SYCP2: variants seen among roughly 807,000 people sequenced by gnomAD.
SYCP2 encodes synaptonemal complex lateral element protein.
In SYCP2, 55 loss-of-function variants were observed where a neutral mutation model predicts 211.3. The observed-to-expected ratio is 0.26, with a 90% confidence interval of 0.21 to 0.33. The LOEUF (loss-of-function observed/expected upper bound fraction) is 0.33, where lower values mean the gene tolerates loss of function less well. Ranked by LOEUF, SYCP2 falls within the 10% of genes least tolerant of loss-of-function variation. The pLI is 1.00. For synonymous variants in SYCP2, 570 were observed against 555.2 expected, an observed-to-expected ratio of 1.03 and a Z score of -0.37; for missense variants, 1,731 against 1,752.0, an observed-to-expected ratio of 0.99 and a Z score of 0.21.
chr20:59,919,416 A>G lies in SYCP2; in HGVS notation c.402+77T>C, dbSNP rs368697080. The G allele has an allele frequency of 1.1e-4, 127 of 1,105,102 alleles. No individual in the cohort carries two copies. The African/African-American group carries it at 1.6e-3, about 14-fold the overall frequency. 68.5% of individuals were successfully genotyped at this position (1,105,102 alleles called of 1,614,324 possible). ...CAATCTGTTAGTGACTTTTAGGCTC[A>G]GGGCACAGAGAACACAAATTGTTTT... is the stretch of plus-strand genomic sequence containing the variant. On this transcript the variant is annotated intron_variant, in intron 6 of 44. Transcript: ENST00000357552.
intron 22 of SYCP2, 26 bp from the exon 23 acceptor site, chr20:59,892,727 T>A (rs1390646945): frequency 2.5e-6 from 4 of 1,593,248 alleles, no homozygotes; most frequent in African/African-American, 1.4e-5. Context: ...ATTTGCTTAA[T>A]GTTACAAAAC....
At chr20:59,928,128 C>T (rs994917409) in intron 2 of SYCP2, among the ~76,000 whole-genome samples, 4 of 152,244 alleles carry the variant, frequency 2.6e-5, no homozygotes, top group East Asian at 3.9e-4. Flanking sequence ...ATGAAGGTTA[C>T]GTTTCTTTTC....
Position 59,864,095 on chromosome 20 carries a change from A to C in SYCP2, c.*216T>G, listed in dbSNP as rs551805092. ...GCTTTTATCTCCAAAATTAAAAAAAAATATTGTATAGACAGAAGTCTTCTG... is the reference window on the plus strand; with the variant it reads ...GCTTTTATCTCCAAAATTAAAAAAACATATTGTATAGACAGAAGTCTTCTG... On this transcript the variant is annotated 3_prime_UTR_variant, in exon 45 of 45. Coordinates refer to ENST00000357552, the MANE Select transcript of SYCP2 (RefSeq NM_014258.4). The C allele has an allele frequency of 1.0e-4, 34 of 329,150 alleles. No homozygotes were observed. Among genetic ancestry groups the C allele is most frequent in the Non-Finnish European group, 2.2e-5 (4 of 177,948 alleles). The allele number at this position is 329,150 out of a possible 1,614,324, so 20.4% of individuals were successfully genotyped here.
In SYCP2 at chr20:59,916,555, C is replaced by T; in HGVS notation, c.444G>A (p.Val148=). The change falls in exon 8 of 45, where the codon GTG becomes GTA. Residue 148 remains valine, a synonymous_variant. Coordinates refer to ENST00000357552, the MANE Select transcript of SYCP2 (RefSeq NM_014258.4). ...AACAAATGCGAGGTACGAAACTTTC[C>T]ACTACTTGTTTTTTACCTGAATAAA... ...DVSDEGKKQV[V]ESFVPRICSL... The T allele has an allele frequency of 6.2e-7, 1 of 1,605,996 alleles. No individual in the cohort carries two copies. The highest frequency in any genetic ancestry group is 8.5e-7 in the Non-Finnish European group (1 of 1,172,820).
rs866200361 is a variant in SYCP2, at chr20:59,886,790, G to T, written c.2409C>A (p.Ser803=). 3 of 1,591,102 alleles carry T rather than the reference G, an allele frequency of 1.9e-6. No homozygotes were observed. The South Asian group carries it at 3.5e-5, about 18-fold the overall frequency. Residue 803 remains serine, a synonymous_variant, in exon 25 of 45, where the codon TCC becomes TCA. Transcript: ENST00000357552. ...ATCTTTTATTGATTTGGCTTATCAAGGATTCTGCTACATTGGTAAATTCTT... is the reference window on the plus strand; with the variant it reads ...ATCTTTTATTGATTTGGCTTATCAATGATTCTGCTACATTGGTAAATTCTT... ...KGKEFTNVAE[S]LISQINKRYK... is the part of the protein sequence containing the mutation.
intron 24 of SYCP2, among the ~76,000 whole-genome samples, chr20:59,887,043 G>A (rs926733683): frequency 6.6e-6 from 1 of 152,058 alleles, no homozygotes; most frequent in Admixed American, 6.6e-5. Context: ...GGGTACATGT[G>A]TACAACATGC....
chr20:59,883,638 A>T (rs1318654256), intron 26 of SYCP2, among the ~76,000 whole-genome samples: 4 of 125,764 alleles, frequency 3.2e-5, no homozygotes, highest in African/African-American at 1.3e-4. Flanking sequence ...GTGGAATCTT[A>T]AAAAAAAAAA....
intron 2 of SYCP2, among the ~76,000 whole-genome samples, chr20:59,923,566 A>G (rs191098339): frequency 5.3e-4 from 81 of 151,692 alleles, no homozygotes; most frequent in African/African-American, 1.9e-3. Context: ...AGCTGGGTAT[A>G]GTGGTGTGTG....
rs1221092083 is a variant in SYCP2, at chr20:59,877,565, A to G, written c.2980-10T>C. 6.3e-7 allele frequency: 1 copy of G among 1,576,596 alleles called. No individual in the cohort carries two copies. The highest frequency in any genetic ancestry group is 2.3e-5 in the East Asian group (1 of 43,812). The stretch of plus-strand genomic sequence containing the variant: ...TATTTTTACTGGGTGTCTTTAGGAG[A>G]AAAATTCCTGAATATTAGATCAATA... On this transcript the variant is annotated splice_polypyrimidine_tract_variant and intron_variant, in intron 32 of 44. Coordinates refer to ENST00000357552, the MANE Select transcript of SYCP2 (RefSeq NM_014258.4).
intron 34 of SYCP2, among the ~76,000 whole-genome samples, chr20:59,874,314 T>C (rs1445740765): frequency 1.3e-5 from 2 of 152,130 alleles, no homozygotes; most frequent in Admixed American, 6.6e-5. Flanking sequence ...AACAAAAATA[T>C]CTACAGTATG....
rs760828712 is a variant in SYCP2, at chr20:59,869,997, CA to C, written c.3556-15del. 12 of 1,523,880 alleles carry C rather than the reference CA, an allele frequency of 7.9e-6. No individual in the cohort carries two copies. In the East Asian group the frequency reaches 2.5e-4, roughly 32 times the overall value. The allele number at this position is 1,523,880 out of a possible 1,614,324, so 94.4% of individuals were successfully genotyped here. On this transcript the variant is annotated splice_polypyrimidine_tract_variant and intron_variant, in intron 35 of 44. Coordinates refer to ENST00000357552, the MANE Select transcript of SYCP2 (RefSeq NM_014258.4). ...AGTATGTCTGGGCTATGAATGAAGA[CA>C]TACAAAAACCCAATAAGAAGTTACA...
intron 15 of SYCP2, among the ~76,000 whole-genome samples, chr20:59,905,613 T>C (rs190242566): frequency 5.8e-4 from 88 of 152,268 alleles, no homozygotes; most frequent in African/African-American, 1.9e-3. Context: ...CAAGGATGGA[T>C]AGATTAAAAG....
intron 26 of SYCP2, among the ~76,000 whole-genome samples, chr20:59,883,520 T>C (rs570445414): frequency 9.9e-5 from 15 of 152,042 alleles, no homozygotes; most frequent in Admixed American, 4.6e-4. Context: ...GCCTTAAAAA[T>C]AGTATATCCT....
Position 59,892,624 on chromosome 20 carries a change from A to G in SYCP2, c.1871T>C (p.Ile624Thr), listed in dbSNP as rs200874042. 1.8e-5 allele frequency: 29 copies of G among 1,610,686 alleles called. No homozygotes were observed. The African/African-American group carries it at 3.5e-4, about 19-fold the overall frequency. ...TGCTCTTTGGTTATTACATAGTTCA[A>G]TGTTTGTTACAGGTGTCCAACATGC... ...KWACWTPVTN[I>T]ELCNNQRAST... Residue 624 changes from isoleucine (I) to threonine (T), a missense_variant, in exon 23 of 45, where the codon ATT becomes ACT. Ile to Thr is a moderately conservative substitution (Grantham distance 89). Around this residue, in one of 3 missense-constraint regions of SYCP2, gnomAD observed 1,387 missense variants for 1,351.3 expected, o/e 1.03. Coordinates refer to ENST00000357552, the MANE Select transcript of SYCP2 (RefSeq NM_014258.4).
chr20:59,864,599 T>A (rs2145572399), intron 44 of SYCP2, among the ~76,000 whole-genome samples: 1 of 152,070 alleles, frequency 6.6e-6, no homozygotes, highest in South Asian at 2.1e-4. Flanking sequence ...GAGAGAAGGC[T>A]CTAATCTTTT....
intron 7 of SYCP2, among the ~76,000 whole-genome samples, chr20:59,917,443 A>C (rs898097162): frequency 2.0e-5 from 3 of 152,234 alleles, no homozygotes; most frequent in African/African-American, 7.2e-5. Flanking sequence ...CAGTTTTCCA[A>C]AGTGACTGCA....
chr20:59,915,583 T>C (rs762195515), intron 8 of SYCP2, 33 bp from the exon 9 acceptor site: 1 of 1,283,252 alleles, frequency 7.8e-7, no homozygotes, highest in Non-Finnish European at 1.1e-6. Flanking sequence ...GCATTAACTT[T>C]ACATTCAGTG....
At position 59,915,424 on chromosome 20, in the gene SYCP2, T is replaced by A. The variant is rs371458910; in HGVS notation, c.599+41A>T. The A allele has an allele frequency of 9.0e-6, 12 of 1,330,942 alleles. No homozygotes were observed. In the East Asian group the frequency reaches 2.3e-4, roughly 26 times the overall value. The allele number at this position is 1,330,942 out of a possible 1,614,324, so 82.4% of individuals were successfully genotyped here. ...TTGTCTGTCTTATAAAACATTCTTATGGATTTTAAGAATAAAAACCATATA... is the reference window on the plus strand; with the variant it reads ...TTGTCTGTCTTATAAAACATTCTTAAGGATTTTAAGAATAAAAACCATATA... On this transcript the variant is annotated intron_variant, in intron 9 of 44. Coordinates refer to ENST00000357552, the MANE Select transcript of SYCP2 (RefSeq NM_014258.4).
intron 25 of SYCP2, 60 bp from the exon 26 acceptor site, chr20:59,886,024 C>A (rs988286954): frequency 7.9e-7 from 1 of 1,260,576 alleles, no homozygotes; most frequent in South Asian, 1.3e-5. Flanking sequence ...TCATAAAAGT[C>A]ATTTTAAGAT....
Sources: allele counts gnomAD v4.1 joint callset (sites outside exome capture counted in the v4.1 genomes callset), GRCh38; gene constraint gnomAD v4.1.1; regional missense constraint gnomAD v4.1.1; transcripts MANE v1.5; gene names NCBI Gene and HGNC (gene_info 2026-07-23, HGNC 2026-07-21).